Variants in GLDC observed in about 807,000 individuals in gnomAD.
GLDC encodes glycine decarboxylase.
A neutral mutation model predicts 121.3 loss-of-function variants in GLDC; 104 were observed. The ratio of observed to expected loss-of-function variants is 0.86; its 90% CI spans 0.73 to 1.01. The LOEUF is 1.01. Among genes scored for constraint, GLDC ranks in the 50% least tolerant of loss-of-function variants. The pLI is 0.00. For synonymous variants in GLDC, 546 were observed against 480.6 expected, an observed-to-expected ratio of 1.14 and a Z score of -1.78; for missense variants, 1,429 against 1,306.6, an observed-to-expected ratio of 1.09 and a Z score of -1.44.
chr9:6,537,506 C>A (rs570165309), intron 22 of GLDC, among the ~76,000 whole-genome samples: 34 of 152,358 alleles, frequency 2.2e-4, no homozygotes, highest in African/African-American at 7.9e-4. Flanking sequence ...AGGCCAAGTG[C>A]TGTGGCTCAC....
chr9:6,620,111 A>T (rs1819055520), intron 3 of GLDC, 73 bp downstream of exon 3: 2 of 1,474,078 alleles, frequency 1.4e-6, no homozygotes, highest in South Asian at 1.1e-5. Context: ...TGAGACTGCA[A>T]GGGGACAGAT....
chr9:6,555,990 T>G (rs1453304788), intron 18 of GLDC, among the ~76,000 whole-genome samples, 163 bp downstream of exon 18: 2 of 152,150 alleles, frequency 1.3e-5, no homozygotes, highest in African/African-American at 4.8e-5. Flanking sequence ...GATGCCAGGA[T>G]AAGTGGCTTT....
intron 2 of GLDC, among the ~76,000 whole-genome samples, chr9:6,638,042 T>A (rs886266925): frequency 6.6e-6 from 1 of 152,008 alleles, no homozygotes; most frequent in African/African-American, 2.4e-5. Flanking sequence ...TACTTCGACA[T>A]TTATCTGAAT....
intron 2 of GLDC, among the ~76,000 whole-genome samples, chr9:6,628,048 A>G (rs990837859): frequency 6.6e-6 from 1 of 152,184 alleles, no homozygotes; most frequent in East Asian, 1.9e-4. Flanking sequence ...TGCTGAACCA[A>G]CCTGAAACTG....
chr9:6,629,957 A>ATATTTTTTT, intron 2 of GLDC, among the ~76,000 whole-genome samples: 7 of 83,036 alleles, frequency 8.4e-5, no homozygotes, highest in South Asian at 3.9e-4. Flanking sequence ...ATATATATAT[A>ATATTTTTTT]TTTTTTTTTT....
intron 5 of GLDC, chr9:6,606,072 C>T (rs7027957): frequency 0.011 from 1,782 of 159,368 alleles, 23 homozygotes; most frequent in African/African-American, 0.041. Context: ...CTTTGGGAGG[C>T]GGAGGTGGGC....
intron 2 of GLDC, among the ~76,000 whole-genome samples, chr9:6,626,817 C>T (rs879888148): frequency 2.6e-5 from 4 of 152,192 alleles, no homozygotes; most frequent in Non-Finnish European, 5.9e-5. Flanking sequence ...CCACCTGCCA[C>T]TCAGGCACTG....
chr9:6,549,044 C>A (rs1817455251), intron 21 of GLDC, among the ~76,000 whole-genome samples: 1 of 152,108 alleles, frequency 6.6e-6, no homozygotes, highest in African/African-American at 2.4e-5. Flanking sequence ...ACCATTGTGC[C>A]CAAACTACTT....
intron 21 of GLDC, among the ~76,000 whole-genome samples, chr9:6,542,824 T>C (rs151271327): frequency 7.1e-6 from 1 of 140,678 alleles, no homozygotes; most frequent in African/African-American, 2.7e-5. Context: ...AGGTCAAGGC[T>C]GCAGTGAGCC....
Position 6,534,765 on chromosome 9 carries a change from G to T in GLDC, c.2862C>A (p.Cys954Ter). 6.2e-7 allele frequency: 1 copy of T among 1,603,416 alleles called. No individual in the cohort carries two copies. Among genetic ancestry groups the T allele is most frequent in the Non-Finnish European group, 8.5e-7 (1 of 1,170,298 alleles). Residue 954 changes from cysteine (C) to a stop codon, truncating the protein, a stop_gained, in exon 24 of 25, where the codon TGC (cysteine) becomes TGA (stop). Coordinates refer to ENST00000321612, the MANE Select transcript of GLDC (RefSeq NM_000170.3). LOFTEE classifies it high-confidence loss of function. ...GCCGGTCCCAGTGGGAAGATGTAACGCAGGTCAGGGAGTGTGGAGACATCT... is the reference window on the plus strand; with the variant it reads ...GCCGGTCCCAGTGGGAAGATGTAACTCAGGTCAGGGAGTGTGGAGACATCT... ...PLKMSPHSLT[C>*]VTSSHWDRPY...
chr9:6,572,731 T>C (rs940939667), intron 15 of GLDC, among the ~76,000 whole-genome samples: 1 of 152,238 alleles, frequency 6.6e-6, no homozygotes, highest in Non-Finnish European at 1.5e-5. Context: ...TCTTGGGTCT[T>C]ACTCACTGCT....
chr9:6,556,104 A>G (rs757447557), intron 18 of GLDC, 49 bp downstream of exon 18: 3 of 1,521,140 alleles, frequency 2.0e-6, no homozygotes, highest in South Asian at 1.1e-5. Context: ...TTTTTTCCAC[A>G]TATCCATTTT....
intron 7 of GLDC, 49 bp from the exon 8 acceptor site, chr9:6,602,254 G>T (rs1189051147): frequency 9.3e-7 from 1 of 1,078,526 alleles, no homozygotes; most frequent in Non-Finnish European, 1.4e-6. Context: ...CACAGCACTG[G>T]GAGATGCTAT....
chr9:6,621,999 C>T (rs957837517), intron 2 of GLDC, among the ~76,000 whole-genome samples: 1 of 152,080 alleles, frequency 6.6e-6, no homozygotes, highest in African/African-American at 2.4e-5. Context: ...TTTATTTTTC[C>T]TCTATCAGAG....
At chr9:6,562,463 G>A (rs1485391939) in intron 16 of GLDC, among the ~76,000 whole-genome samples, 1 of 152,122 alleles carries the variant, frequency 6.6e-6, no homozygotes, top group Non-Finnish European at 1.5e-5. Context: ...CTATTGTGTG[G>A]GAGCAGCTGC....
At chr9:6,635,265 A>G (rs1188719667) in intron 2 of GLDC, among the ~76,000 whole-genome samples, 1 of 152,208 alleles carries the variant, frequency 6.6e-6, no homozygotes, top group Non-Finnish European at 1.5e-5. Flanking sequence ...CTGACTCTCA[A>G]TAAGTGCAGA....
intron 3 of GLDC, among the ~76,000 whole-genome samples, chr9:6,616,429 T>C (rs1818967972): frequency 2.6e-5 from 4 of 152,238 alleles, no homozygotes; most frequent in African/African-American, 9.6e-5. Flanking sequence ...CTTTTACATG[T>C]AAACTTCTTG....
intron 23 of GLDC, 39 bp from the exon 24 acceptor site, chr9:6,534,827 T>C (rs1268033725): frequency 9.2e-7 from 1 of 1,085,026 alleles, no homozygotes; most frequent in Non-Finnish European, 1.4e-6. Flanking sequence ...GTCAGAGCAA[T>C]ACACTCTCTT....
intron 15 of GLDC, among the ~76,000 whole-genome samples, chr9:6,579,860 G>C (rs564224377): frequency 6.6e-6 from 1 of 152,322 alleles, no homozygotes; most frequent in East Asian, 1.9e-4. Context: ...CCAGTGAAGT[G>C]TGCAACTAAA....
Sources: gnomAD v4.1 joint callset for allele counts (sites outside exome capture counted in the v4.1 genomes callset) on GRCh38, gnomAD v4.1.1 for gene constraint, MANE v1.5 for transcripts, NCBI Gene and HGNC (gene_info 2026-07-23, HGNC 2026-07-21) for gene names.